The following FMN1 variants were observed in gnomAD, a reference collection of about 807,000 sequenced individuals.
The protein encoded by FMN1 is formin-1.
In FMN1, 110 loss-of-function variants were observed where a neutral mutation model predicts 132.4. The observed-to-expected ratio is 0.83, with a 90% CI of 0.71 to 0.97. The LOEUF (loss-of-function observed/expected upper bound fraction) is 0.97, where lower values mean the gene tolerates loss of function less well. Among genes scored for constraint, FMN1 ranks in the 50% least tolerant of loss-of-function variants. The probability of loss-of-function intolerance (pLI) is 0.00; values close to 1 mark genes in which losing one functional copy is unlikely to be tolerated. For synonymous variants in FMN1, 722 were observed against 651.7 expected, an observed-to-expected ratio of 1.11 and a Z score of -1.64; for missense variants, 1,792 against 1,705.3, an observed-to-expected ratio of 1.05 and a Z score of -0.90.
intron 8 of FMN1, among the ~76,000 whole-genome samples, chr15:32,967,172 G>A (rs7176779): frequency 0.014 from 2,066 of 152,250 alleles, 40 homozygotes; most frequent in African/African-American, 0.047. Flanking sequence ...TTCTCAAAAC[G>A]GCCAACTAAA....
At chr15:32,970,538 G>C (rs192383763) in intron 7 of FMN1, among the ~76,000 whole-genome samples, 11 of 152,254 alleles carry the variant, frequency 7.2e-5, no homozygotes, top group African/African-American at 2.6e-4. Context: ...CACTGTCATT[G>C]TCACTGTCCC....
intron 9 of FMN1, among the ~76,000 whole-genome samples, chr15:32,929,650 C>T (rs73370894): frequency 2.0e-5 from 3 of 152,260 alleles, no homozygotes; most frequent in African/African-American, 7.2e-5. Flanking sequence ...GTTTGACCAC[C>T]ACGGATACCT....
chr15:33,076,127 G>A (rs767145763), intron 5 of FMN1, among the ~76,000 whole-genome samples: 32 of 152,148 alleles, frequency 2.1e-4, no homozygotes, highest in Non-Finnish European at 4.1e-4. Context: ...GATGAGGGTT[G>A]GTGGGTAGCA....
At chr15:32,988,685 T>C (rs1256880228) in intron 7 of FMN1, among the ~76,000 whole-genome samples, 1 of 152,200 alleles carries the variant, frequency 6.6e-6, no homozygotes, top group Non-Finnish European at 1.5e-5. Flanking sequence ...TAACTAGAAG[T>C]AACCAGACGG....
At chr15:32,806,606 T>G (rs74797915) in intron 17 of FMN1, among the ~76,000 whole-genome samples, 10,914 of 152,272 alleles carry the variant, frequency 0.072, 972 homozygotes, top group East Asian at 0.46. Flanking sequence ...GCCCTGCACT[T>G]AAGTCGGCTC....
At chr15:32,953,583 T>C (rs1321756277) in intron 9 of FMN1, among the ~76,000 whole-genome samples, 6 of 152,124 alleles carry the variant, frequency 3.9e-5, no homozygotes, top group South Asian at 2.1e-4. Context: ...TTATCAAAAA[T>C]TGGAAGTGTG....
At chr15:33,150,286 G>A in intron 4 of FMN1, 3 of 985,440 alleles carry the variant, frequency 3.0e-6, no homozygotes, top group Non-Finnish European at 3.6e-6. Context: ...AGTTCCTCAA[G>A]GTTTGGGGGA....
At chr15:32,791,707 T>C (rs962341651) in intron 19 of FMN1, among the ~76,000 whole-genome samples, 2 of 151,212 alleles carry the variant, frequency 1.3e-5, no homozygotes, top group Non-Finnish European at 3.0e-5. Context: ...CTATAAAGAG[T>C]CAGAAATAGA....
At chr15:32,790,905 A>C (rs1187990582) in intron 19 of FMN1, among the ~76,000 whole-genome samples, 1 of 152,216 alleles carries the variant, frequency 6.6e-6, no homozygotes, top group East Asian at 1.9e-4. Context: ...TTAAATACTA[A>C]AGGATCGTAA....
At chr15:33,073,824 T>C (rs2038093281) in intron 5 of FMN1, among the ~76,000 whole-genome samples, 1 of 151,096 alleles carries the variant, frequency 6.6e-6, no homozygotes, top group Non-Finnish European at 1.5e-5. Context: ...TCACCTCCCC[T>C]TGCTCAAATG....
rs550093706 is a variant in FMN1 at position 32,773,712 on chromosome 15, CT to C, written c.*597del. 6.6e-6 allele frequency: 1 copy of C among 152,294 alleles called. No individual in the cohort carries two copies. Among genetic ancestry groups the C allele is most frequent in the Non-Finnish European group, 1.5e-5 (1 of 68,160 alleles). The allele number at this position is 152,294 out of a possible 1,614,324, so 9.4% of individuals were successfully genotyped here. A position where few individuals can be genotyped will look rare whatever the true frequency, so the allele number is the denominator to read the frequency against. On this transcript the variant is annotated 3_prime_UTR_variant, in exon 21 of 21. Transcript: ENST00000616417. Reference sequence around the variant, plus strand: ...CCCAGGTATGATTCTGTTTTTTCTCCTTTTCATCACGTAAACCATAACAACA... The same window carrying C: ...CCCAGGTATGATTCTGTTTTTTCTCCTTTCATCACGTAAACCATAACAACA...
intron 10 of FMN1, among the ~76,000 whole-genome samples, chr15:32,925,744 C>T (rs2060943878): frequency 6.6e-6 from 1 of 152,054 alleles, no homozygotes; most frequent in African/African-American, 2.4e-5. Context: ...AGGATAATGG[C>T]ACTGGGTGGA....
chr15:33,006,884 G>A (rs2034446214), intron 7 of FMN1, among the ~76,000 whole-genome samples: 1 of 152,034 alleles, frequency 6.6e-6, no homozygotes, highest in Admixed American at 6.6e-5. Flanking sequence ...AGGGGCTAGG[G>A]GCAGAGAGGG....
chr15:32,946,569 G>C (rs1326338764), intron 9 of FMN1, among the ~76,000 whole-genome samples: 1 of 152,162 alleles, frequency 6.6e-6, no homozygotes, highest in Admixed American at 6.5e-5. Context: ...CTTGGAATTT[G>C]GGGTGGTAAA....
intron 9 of FMN1, among the ~76,000 whole-genome samples, chr15:32,930,116 A>G (rs1180493469): frequency 6.7e-6 from 1 of 149,098 alleles, no homozygotes; most frequent in Non-Finnish European, 1.5e-5. Context: ...CAGCCTCCCA[A>G]GTAGCTGGGA....
chr15:33,117,743 G>A (rs115237060), intron 4 of FMN1, among the ~76,000 whole-genome samples: 57 of 152,244 alleles, frequency 3.7e-4, no homozygotes, highest in African/African-American at 1.3e-3. Flanking sequence ...GTACTCTCTT[G>A]ATGAGACAGA....
intron 9 of FMN1, among the ~76,000 whole-genome samples, chr15:32,943,154 G>A (rs796871923): frequency 1.4e-4 from 21 of 152,200 alleles, no homozygotes; most frequent in African/African-American, 5.1e-4. Flanking sequence ...AACGTTTCTG[G>A]TCTCAACCAT....
At chr15:33,179,452 T>G (rs1204981552) in intron 3 of FMN1, among the ~76,000 whole-genome samples, 1 of 152,210 alleles carries the variant, frequency 6.6e-6, no homozygotes, top group African/African-American at 2.4e-5. Context: ...TGACTCAATC[T>G]GGGGGTACCT....
intron 19 of FMN1, among the ~76,000 whole-genome samples, chr15:32,787,807 C>T (rs74857234): frequency 0.037 from 5,563 of 152,174 alleles, 234 homozygotes; most frequent in African/African-American, 0.096. Flanking sequence ...GATGACACCA[C>T]TGCATTCTAG....
Sources: gnomAD v4.1 joint callset for allele counts (sites outside exome capture counted in the v4.1 genomes callset) on GRCh38, gnomAD v4.1.1 for gene constraint, MANE v1.5 for transcripts, NCBI Gene and HGNC (gene_info 2026-07-23, HGNC 2026-07-21) for gene names.